Variants in SLC2A9 observed in about 807,000 individuals in gnomAD.
The protein encoded by SLC2A9 is solute carrier family 2, facilitated glucose transporter member 9.
Under a neutral mutation model 50.6 loss-of-function variants are expected in SLC2A9, and 39 were observed. The observed-to-expected ratio is 0.77, with a 90% CI of 0.60 to 1.01. The LOEUF (loss-of-function observed/expected upper bound fraction) is 1.01. SLC2A9 is among the 50% of genes least tolerant of loss of function. The pLI is 0.00. For missense variants in SLC2A9, 686 were observed against 677.6 expected, an observed-to-expected ratio of 1.01 and a Z score of -0.14; for synonymous variants, 324 against 276.9, an observed-to-expected ratio of 1.17 and a Z score of -1.69.
chr4:9,936,644 G>T (rs1577973999), intron 6 of SLC2A9, among the ~76,000 whole-genome samples: 1 of 152,172 alleles, frequency 6.6e-6, no homozygotes, highest in African/African-American at 2.4e-5. Context: ...GCTGGTTCCA[G>T]CTACAGAAGG....
chr4:9,992,473 C>T (rs1037765842), intron 3 of SLC2A9, among the ~76,000 whole-genome samples: 1 of 152,204 alleles, frequency 6.6e-6, no homozygotes, highest in Non-Finnish European at 1.5e-5. Context: ...GAAACATCTC[C>T]TGGCATTGTC....
intron 9 of SLC2A9, among the ~76,000 whole-genome samples, chr4:9,889,886 G>A (rs1737048039): frequency 6.6e-6 from 1 of 152,170 alleles, no homozygotes; most frequent in East Asian, 1.9e-4. Flanking sequence ...GCCACCTTTT[G>A]GTGGTGTAAC....
At chr4:9,941,877 G>C (rs1487061480) in intron 6 of SLC2A9, 36 bp downstream of exon 6, 1 of 1,613,148 alleles carries the variant, frequency 6.2e-7, no homozygotes, top group Non-Finnish European at 8.5e-7. Flanking sequence ...ATCTATGCAG[G>C]GGCTGGAGCT....
intron 5 of SLC2A9, among the ~76,000 whole-genome samples, chr4:9,971,887 T>TA (rs1315456624): frequency 3.9e-5 from 6 of 152,184 alleles, no homozygotes; most frequent in African/African-American, 1.4e-4. Context: ...CACGAGAAAA[T>TA]ACTGCTGCGA....
chr4:10,007,307 G>A (rs1300637469), intron 2 of SLC2A9, among the ~76,000 whole-genome samples: 2 of 152,214 alleles, frequency 1.3e-5, no homozygotes, highest in Non-Finnish European at 2.9e-5. Context: ...GATTCTCCCA[G>A]AGGAGCCTGG....
chr4:9,946,472 G>A (rs189966035), intron 5 of SLC2A9, among the ~76,000 whole-genome samples: 201 of 152,300 alleles, frequency 1.3e-3, no homozygotes, highest in African/African-American at 4.0e-3. Context: ...AAGGGAGCAC[G>A]GTGAGGGGGT....
intron 6 of SLC2A9, among the ~76,000 whole-genome samples, chr4:9,922,401 T>C (rs528375558): frequency 3.3e-5 from 5 of 152,128 alleles, no homozygotes; most frequent in African/African-American, 1.2e-4. Flanking sequence ...GGTTGATAGG[T>C]GCAGCAAACC....
At chr4:9,825,284 A>G (rs1465568530), downstream of SLC2A9, among the ~76,000 whole-genome samples, 7 of 152,358 alleles carry the variant, frequency 4.6e-5, no homozygotes, top group Admixed American at 2.6e-4. Context: ...TGTAAGAGTT[A>G]GAAGAGCCCC....
chr4:9,971,205 C>G (rs894175317), intron 5 of SLC2A9, among the ~76,000 whole-genome samples: 9 of 152,084 alleles, frequency 5.9e-5, no homozygotes, highest in African/African-American at 2.2e-4. Context: ...ACAAGTTTCA[C>G]CTAATTTGTC....
intron 10 of SLC2A9, among the ~76,000 whole-genome samples, chr4:9,874,703 C>T (rs1255850434): frequency 2.6e-5 from 4 of 152,226 alleles, no homozygotes; most frequent in African/African-American, 9.6e-5. Context: ...CAGAACCTGG[C>T]TGGGAGACCT....
At chr4:9,841,356 A>ATC (rs1728059349) in intron 10 of SLC2A9, among the ~76,000 whole-genome samples, 1 of 151,240 alleles carries the variant, frequency 6.6e-6, no homozygotes, top group African/African-American at 2.4e-5. Context: ...GCTCTGGGAA[A>ATC]TCTCTCTCTT....
chr4:9,846,648 G>A (rs551993986), intron 10 of SLC2A9, among the ~76,000 whole-genome samples: 12 of 152,244 alleles, frequency 7.9e-5, no homozygotes, highest in African/African-American at 2.6e-4. Flanking sequence ...CCTTGATAGT[G>A]CTTACTTGGC....
rs868830128 is a variant in SLC2A9 at position 9,903,618 on chromosome 4, C to A, written c.1113+4617G>T. Among the ~76,000 whole-genome samples, 20 of 152,184 alleles carry A rather than the reference C, an allele frequency of 1.3e-4. No individual in the cohort carries two copies. The South Asian group carries it at 3.3e-3, about 25-fold the overall frequency. ...AGCAAAGATGTCTTTCCCCTCTCAA[C>A]TTTATTAGCCTCCTGAGCCATTTTA... is the stretch of plus-strand genomic sequence containing the variant. On this transcript the variant is annotated intron_variant, in intron 8 of 11. Coordinates refer to ENST00000264784, the MANE Select transcript of SLC2A9 (RefSeq NM_020041.3).
At chr4:9,806,603 C>T (rs552673050) in intron 3 of SLC2A9, among the ~76,000 whole-genome samples, 1 of 152,222 alleles carries the variant, frequency 6.6e-6, no homozygotes, top group East Asian at 1.9e-4. Flanking sequence ...CTGAGCTGGT[C>T]TCAGCATTTG....
chr4:9,799,390 C>T (rs2108918784), intron 3 of SLC2A9: 1 of 152,338 alleles, frequency 6.6e-6, no homozygotes, highest in South Asian at 2.1e-4. Flanking sequence ...TTGCTCTCTG[C>T]TTTAAGATGA....
Position 9,835,298 on chromosome 4 carries a change from CAT to C in SLC2A9, c.1292-292_1292-291del, listed in dbSNP as rs33921469. Among the ~76,000 whole-genome samples, 24,195 of 152,094 alleles carry C rather than the reference CAT, an allele frequency of 0.16. 2,606 individuals carry two copies. The highest frequency in any genetic ancestry group is 0.31 in the African/African-American group (12,660 of 41,420). ...CCAACCCTACACATTTCCAAACTCA[CAT>C]GTGGTCTCAGGTCTATACCCTTCCT... On this transcript the variant is annotated intron_variant, in intron 10 of 11. Transcript: ENST00000264784.
At chr4:9,787,743 G>A (rs186927203) in intron 3 of SLC2A9, among the ~76,000 whole-genome samples, 114 of 152,264 alleles carry the variant, frequency 7.5e-4, no homozygotes, top group Middle Eastern at 6.8e-3. Flanking sequence ...TGGTAGACTT[G>A]TCCTTCAACT....
chr4:9,815,349 C>T (rs1723432269), intron 3 of SLC2A9, among the ~76,000 whole-genome samples: 1 of 152,196 alleles, frequency 6.6e-6, no homozygotes, highest in Non-Finnish European at 1.5e-5. Flanking sequence ...TTGCCTTGTG[C>T]CCTTTCCTGT....
At chr4:9,894,080 C>A (rs1373853874) in intron 8 of SLC2A9, among the ~76,000 whole-genome samples, 1 of 152,166 alleles carries the variant, frequency 6.6e-6, no homozygotes, top group African/African-American at 2.4e-5. Context: ...CAGTCACTCA[C>A]CTTCTGGGCA....
Sources: gnomAD v4.1 joint callset for allele counts (sites outside exome capture counted in the v4.1 genomes callset) on GRCh38, gnomAD v4.1.1 for gene constraint, MANE v1.5 for transcripts, NCBI Gene and HGNC (gene_info 2026-07-23, HGNC 2026-07-21) for gene names.